FNIP2: variants seen among roughly 807,000 people sequenced by gnomAD.
FNIP2 encodes folliculin-interacting protein 2.
In FNIP2, 32 loss-of-function variants were observed where a neutral mutation model predicts 108.7. The observed-to-expected ratio is 0.29, with a 90% confidence interval of 0.22 to 0.40. The LOEUF (loss-of-function observed/expected upper bound fraction) is 0.40. FNIP2 is among the 10% of genes least tolerant of loss of function. The pLI is 1.00. For synonymous variants in FNIP2, 480 were observed against 496.7 expected (o/e 0.97, Z 0.45); for missense variants, 1,202 against 1,381.6 (o/e 0.87, Z 2.06).
chr4:158,822,474 C>CGTTTT (rs779285416), intron 1 of FNIP2, among the ~76,000 whole-genome samples: 8 of 152,138 alleles, frequency 5.3e-5, no homozygotes, highest in South Asian at 4.1e-4. Context: ...TGTGCCTGAC[C>CGTTTT]GTTTTGTTTT....
intron 16 of FNIP2, among the ~76,000 whole-genome samples, chr4:158,898,682 T>A (rs1386987385): frequency 6.6e-6 from 1 of 152,228 alleles, no homozygotes; most frequent in Non-Finnish European, 1.5e-5. Context: ...GCACATTGAT[T>A]TTGTATCCTG....
At chr4:158,872,184 GC>G in intron 14 of FNIP2, 1 of 985,368 alleles carries the variant, frequency 1.0e-6, no homozygotes, top group Non-Finnish European at 1.2e-6. Context: ...TTGTTTGAAT[GC>G]CCTGGATTTA....
chr4:158,784,605 A>G (rs143971825), intron 1 of FNIP2, among the ~76,000 whole-genome samples: 2 of 152,316 alleles, frequency 1.3e-5, no homozygotes, highest in African/African-American at 4.8e-5. Flanking sequence ...TTGATGGGAG[A>G]TAGTGACAGA....
intron 16 of FNIP2, 39 bp downstream of exon 16, chr4:158,895,904 G>A (rs567637059): frequency 1.4e-6 from 2 of 1,421,216 alleles, no homozygotes; most frequent in African/African-American, 1.4e-5. Context: ...CCCTTTGATA[G>A]GTATCCCTAG....
chr4:158,899,137 C>T (rs1422235733), intron 16 of FNIP2, among the ~76,000 whole-genome samples: 16 of 152,046 alleles, frequency 1.1e-4, no homozygotes, highest in South Asian at 1.0e-3. Context: ...TTTGTTTATG[C>T]GATGGATTAC....
At chr4:158,818,649 T>C (rs1777708274) in intron 1 of FNIP2, among the ~76,000 whole-genome samples, 1 of 152,226 alleles carries the variant, frequency 6.6e-6, no homozygotes, top group South Asian at 2.1e-4. Flanking sequence ...GTGTAGCATC[T>C]TTCTGATTTC....
chr4:158,794,415 G>A (rs1424244348), intron 1 of FNIP2, among the ~76,000 whole-genome samples: 4 of 152,230 alleles, frequency 2.6e-5, no homozygotes, highest in African/African-American at 9.6e-5. Flanking sequence ...GTGAGCCTCG[G>A]CCTCCCAAAG....
At chr4:158,799,703 AT>A (rs1776700376) in intron 1 of FNIP2, among the ~76,000 whole-genome samples, 1 of 152,234 alleles carries the variant, frequency 6.6e-6, no homozygotes, top group African/African-American at 2.4e-5. Flanking sequence ...TTTAAAAGTT[AT>A]GTAATATTTT....
intron 7 of FNIP2, among the ~76,000 whole-genome samples, chr4:158,849,961 C>G (rs1438116748): frequency 6.6e-6 from 1 of 152,166 alleles, no homozygotes; most frequent in Non-Finnish European, 1.5e-5. Context: ...TCTCAGAGAC[C>G]TCTGCTTTGG....
chr4:158,823,466 G>A (rs573235202), intron 1 of FNIP2, among the ~76,000 whole-genome samples: 11 of 152,214 alleles, frequency 7.2e-5, no homozygotes, highest in African/African-American at 1.7e-4. Context: ...GGGTTTCACC[G>A]TGTTGGCCAT....
At chr4:158,884,573 A>C (rs1044096897) in intron 14 of FNIP2, among the ~76,000 whole-genome samples, 9 of 152,124 alleles carry the variant, frequency 5.9e-5, no homozygotes, top group Admixed American at 5.2e-4. Context: ...GGTGGCAGGG[A>C]AGGCATTCTG....
chr4:158,834,246 C>T (rs76419980), intron 6 of FNIP2: 1,585 of 147,594 alleles, frequency 0.011, 12 homozygotes, highest in South Asian at 0.015. Flanking sequence ...CTTACCTGCA[C>T]GGAGTTTCAT....
At position 158,859,080 on chromosome 4, in the gene FNIP2, T is replaced by G. The variant is rs1367770554; in HGVS notation, c.881T>G (p.Leu294Trp). ...PRRSTDETFS[L>W]AEETCSSNPA... Reference sequence around the variant, plus strand: ...AGGTCAACTGATGAGACATTCAGCTTGGCTGAAGAAACCTGTAGCTCTAAT... The same window carrying G: ...AGGTCAACTGATGAGACATTCAGCTGGGCTGAAGAAACCTGTAGCTCTAAT... The change falls in exon 9 of 17, where the codon TTG (leucine) becomes TGG (tryptophan). Residue 294 changes from leucine to tryptophan, a missense_variant. By Grantham distance (61) the Leu-to-Trp change is moderately conservative. Around this residue, in one of 5 missense-constraint regions of FNIP2, gnomAD observed 878 missense variants for 990.3 expected, o/e 0.89. Coordinates refer to ENST00000264433, the MANE Select transcript of FNIP2 (RefSeq NM_020840.3). 5 of 1,613,864 alleles carry G rather than the reference T, an allele frequency of 3.1e-6. No individual in the cohort carries two copies. The African/African-American group carries it at 6.7e-5, about 22-fold the overall frequency.
At chr4:158,776,920 A>T (rs984976546) in intron 1 of FNIP2, among the ~76,000 whole-genome samples, 38 of 152,204 alleles carry the variant, frequency 2.5e-4, no homozygotes, top group African/African-American at 8.9e-4. Context: ...TAGAAAATGA[A>T]TCTTGTTACA....
chr4:158,813,159 T>C (rs572627268), intron 1 of FNIP2, among the ~76,000 whole-genome samples: 1 of 152,320 alleles, frequency 6.6e-6, no homozygotes, highest in East Asian at 1.9e-4. Context: ...TTGGCAATTA[T>C]GAATAAAGCT....
At chr4:158,901,687 G>C (rs999584143) in intron 16 of FNIP2, among the ~76,000 whole-genome samples, 16 of 151,168 alleles carry the variant, frequency 1.1e-4, no homozygotes, top group Middle Eastern at 3.4e-3. Flanking sequence ...TTGTTCGTTT[G>C]TTTTCATTTT....
intron 3 of FNIP2, among the ~76,000 whole-genome samples, chr4:158,831,589 T>G (rs1778484133): frequency 6.6e-6 from 1 of 152,218 alleles, no homozygotes; most frequent in South Asian, 2.1e-4. Context: ...AATCTTTGTT[T>G]CTCATAACAC....
At chr4:158,885,307 A>G (rs1486228072) in intron 14 of FNIP2, among the ~76,000 whole-genome samples, 1 of 152,216 alleles carries the variant, frequency 6.6e-6, no homozygotes, top group South Asian at 2.1e-4. Flanking sequence ...ACACAGAGCC[A>G]AACCATATCA....
At chr4:158,791,878 A>G (rs1185553480) in intron 1 of FNIP2, among the ~76,000 whole-genome samples, 1 of 152,164 alleles carries the variant, frequency 6.6e-6, no homozygotes, top group Non-Finnish European at 1.5e-5. Flanking sequence ...ACATGGTGGT[A>G]GGGGCAGCTG....
Sources: allele counts gnomAD v4.1 joint callset (sites outside exome capture counted in the v4.1 genomes callset), GRCh38; gene constraint gnomAD v4.1.1; regional missense constraint gnomAD v4.1.1; transcripts MANE v1.5; gene names NCBI Gene and HGNC (gene_info 2026-07-23, HGNC 2026-07-21).